The following NCAM2 variants were observed in gnomAD, a reference collection of about 807,000 sequenced individuals.
NCAM2 encodes N-CAM-2.
In NCAM2, 30 loss-of-function variants were observed where a neutral mutation model predicts 98.1. That is an observed-to-expected ratio of 0.31 (90% CI 0.23 to 0.41). The LOEUF is 0.41. NCAM2 is among the 10% of genes least tolerant of loss of function. NCAM2 has a pLI of 1.00. For synonymous variants in NCAM2, 368 were observed against 342.4 expected, an observed-to-expected ratio of 1.07 and a Z score of -0.83; for missense variants, 867 against 1,005.8, an observed-to-expected ratio of 0.86 and a Z score of 1.87.
chr21:21,214,746 T>TATATATATATATATACACAC (rs11268201), intron 1 of NCAM2, among the ~76,000 whole-genome samples: 28 of 100,596 alleles, frequency 2.8e-4, no homozygotes, highest in African/African-American at 7.5e-4. Flanking sequence ...TATATATATA[T>TATATATATATATATACACAC]ACACTATATA....
At chr21:21,312,077 C>A (rs1236235530) in intron 5 of NCAM2, among the ~76,000 whole-genome samples, 1 of 152,048 alleles carries the variant, frequency 6.6e-6, no homozygotes, top group East Asian at 1.9e-4. Flanking sequence ...CTTACTTGCT[C>A]CCAGTCTTAC....
intron 16 of NCAM2, among the ~76,000 whole-genome samples, chr21:21,515,130 GCAACAAGC>G (rs1379843837): frequency 6.6e-6 from 1 of 152,170 alleles, no homozygotes; most frequent in East Asian, 1.9e-4. Flanking sequence ...ACTATTTTAA[GCAACAAGC>G]CAATAATAAC....
At chr21:21,204,788 A>G (rs1190542329) in intron 1 of NCAM2, among the ~76,000 whole-genome samples, 2 of 152,172 alleles carry the variant, frequency 1.3e-5, no homozygotes, top group African/African-American at 4.8e-5. Flanking sequence ...GCATATGGCC[A>G]TCTGGAAAAT....
At chr21:21,100,777 C>T (rs2066225693) in intron 1 of NCAM2, among the ~76,000 whole-genome samples, 1 of 152,018 alleles carries the variant, frequency 6.6e-6, no homozygotes, top group South Asian at 2.1e-4. Flanking sequence ...TAATTTTGCT[C>T]TTGTCCTCTT....
rs552236245 is a variant in NCAM2 at position 21,541,610 on chromosome 21, A to G, written c.*3653A>G. 4.0e-4 allele frequency: 60 copies of G among 151,890 alleles called. No individual in the cohort carries two copies. In the South Asian group the frequency reaches 0.012, roughly 29 times the overall value. 9.4% of individuals were successfully genotyped at this position (151,890 alleles called of 1,614,324 possible). On this transcript the variant is annotated 3_prime_UTR_variant, in exon 18 of 18. Transcript: ENST00000400546. ...CTTGGGTCTTCATTATTCCATTTAT[A>G]TATATTTTTTATTTCGAATAATAAA...
chr21:21,263,156 G>A (rs1799285704), intron 1 of NCAM2, among the ~76,000 whole-genome samples: 1 of 152,030 alleles, frequency 6.6e-6, no homozygotes. Context: ...CTTCAGTAAA[G>A]TTTCATGATA....
chr21:21,168,161 C>A (rs965654094), intron 1 of NCAM2, among the ~76,000 whole-genome samples: 23 of 151,874 alleles, frequency 1.5e-4, no homozygotes, highest in African/African-American at 4.8e-4. Context: ...ATTTGAAAAT[C>A]AATGATTACA....
chr21:21,067,352 A>T (rs577291860), intron 1 of NCAM2, among the ~76,000 whole-genome samples: 1 of 152,260 alleles, frequency 6.6e-6, no homozygotes, highest in East Asian at 1.9e-4. Context: ...ATAAAACATG[A>T]GAACTATGTT....
At chr21:21,340,101 C>T (rs753972089) in intron 8 of NCAM2, among the ~76,000 whole-genome samples, 5 of 151,760 alleles carry the variant, frequency 3.3e-5, no homozygotes, top group Non-Finnish European at 5.9e-5. Context: ...AAAATACAAT[C>T]GTATCTGAAA....
intron 1 of NCAM2, among the ~76,000 whole-genome samples, chr21:21,088,323 T>C (rs2065942755): frequency 6.6e-6 from 1 of 152,224 alleles, no homozygotes; most frequent in Admixed American, 6.5e-5. Context: ...CATATATTAA[T>C]AGAATTGTTT....
intron 16 of NCAM2, among the ~76,000 whole-genome samples, chr21:21,526,382 G>A (rs909729944): frequency 6.6e-6 from 1 of 151,940 alleles, no homozygotes; most frequent in Admixed American, 6.6e-5. Flanking sequence ...ATTTTAATTA[G>A]CACCCCGCAA....
chr21:21,118,362 A>G (rs2066606599), intron 1 of NCAM2, among the ~76,000 whole-genome samples: 1 of 152,168 alleles, frequency 6.6e-6, no homozygotes, highest in African/African-American at 2.4e-5. Flanking sequence ...AAATCTCAAA[A>G]TAAGCTTAGG....
In NCAM2 at chr21:21,157,735, A is replaced by C. The variant is rs942427556; in HGVS notation, c.56-122843A>C. ...CAGCTGCAAGACAGACATTTTTACT[A>C]CACAGTTTCTGCTTGAACCATGACA... On this transcript the variant is annotated intron_variant, in intron 1 of 17. Transcript: ENST00000400546. Among the ~76,000 whole-genome samples, 9 of 152,236 alleles carry C rather than the reference A, an allele frequency of 5.9e-5. No individual in the cohort carries two copies. In the South Asian group the frequency reaches 1.0e-3, roughly 18 times the overall value.
intron 9 of NCAM2, among the ~76,000 whole-genome samples, chr21:21,377,498 CAAAT>C (rs943706235): frequency 6.6e-6 from 1 of 151,622 alleles, no homozygotes. Flanking sequence ...TTATAGTTGA[CAAAT>C]AAAAATTGTA....
intron 1 of NCAM2, among the ~76,000 whole-genome samples, chr21:21,163,246 GC>G (rs1416690196): frequency 6.6e-6 from 1 of 152,004 alleles, no homozygotes; most frequent in Non-Finnish European, 1.5e-5. Context: ...AGTGTTGACA[GC>G]CAAAATAGAG....
intron 14 of NCAM2, among the ~76,000 whole-genome samples, chr21:21,474,871 A>C (rs1318942520): frequency 6.6e-6 from 1 of 151,872 alleles, no homozygotes; most frequent in Non-Finnish European, 1.5e-5. Context: ...TAGCATTTAC[A>C]ATTATATGTT....
At chr21:21,497,218 G>A (rs1387533440) in intron 15 of NCAM2, among the ~76,000 whole-genome samples, 4 of 152,100 alleles carry the variant, frequency 2.6e-5, no homozygotes, top group Admixed American at 6.6e-5. Context: ...AGAGGATGGG[G>A]TGTGGGTTAA....
At position 21,179,518 on chromosome 21, in the gene NCAM2, C is replaced by T. The variant is rs897307309; in HGVS notation, c.56-101060C>T. ...CAATTCTAAAGTGACATTCTCCCCACATGCTATTGGTGTTAACTATAATTA... is the reference window on the plus strand; with the variant it reads ...CAATTCTAAAGTGACATTCTCCCCATATGCTATTGGTGTTAACTATAATTA... On this transcript the variant is annotated intron_variant, in intron 1 of 17. Coordinates refer to ENST00000400546, the MANE Select transcript of NCAM2 (RefSeq NM_004540.5). Among the ~76,000 whole-genome samples, 20 of 152,330 alleles carry T rather than the reference C, an allele frequency of 1.3e-4. No individual in the cohort carries two copies. The East Asian group carries it at 3.7e-3, about 28-fold the overall frequency.
intron 15 of NCAM2, among the ~76,000 whole-genome samples, chr21:21,492,022 TGTA>T (rs1986884660): frequency 1.3e-5 from 2 of 151,662 alleles, no homozygotes; most frequent in South Asian, 2.1e-4. Context: ...TGATTACTGT[TGTA>T]GTAAATATAT....
Sources: gnomAD v4.1 joint callset for allele counts (sites outside exome capture counted in the v4.1 genomes callset) on GRCh38, gnomAD v4.1.1 for gene constraint, MANE v1.5 for transcripts, NCBI Gene and HGNC (gene_info 2026-07-23, HGNC 2026-07-21) for gene names.